NONO: variants seen among roughly 807,000 people sequenced by gnomAD.
NONO encodes the protein non-POU domain-containing octamer-binding protein.
Under a neutral mutation model 40.2 loss-of-function variants are expected in NONO, and 6 were observed. That is an observed-to-expected ratio of 0.15 (90% CI 0.08 to 0.29). NONO has a LOEUF of 0.29. Ranked by LOEUF, NONO falls within the 10% of genes least tolerant of loss-of-function variation. The pLI is 1.00. For missense variants in NONO, 133 were observed against 397.8 expected (o/e 0.33, Z 5.66); for synonymous variants, 89 against 123.3 (o/e 0.72, Z 1.85).
intron 2 of NONO, among the ~76,000 whole-genome samples, chrX:71,289,778 G>T (rs1331942930): frequency 9.2e-6 from 1 of 108,498 alleles, no homozygotes; most frequent in Non-Finnish European, 1.9e-5. Context: ...TTTTTGTTTT[G>T]TTTTGTTTTT....
chrX:71,300,189 C>G lies in NONO; in HGVS notation c.*113C>G, dbSNP rs149069408. The stretch of plus-strand genomic sequence containing the variant: ...ATTCCTTCCAATAGTTAGATCTACC[C>G]TGCCTGTACTACTCTAGGGAGTATG... On this transcript the variant is annotated 3_prime_UTR_variant, in exon 12 of 12. Coordinates refer to ENST00000276079, the MANE Select transcript of NONO (RefSeq NM_007363.5). 244 of 874,578 alleles carry G rather than the reference C, an allele frequency of 2.8e-4. No individual in the cohort carries two copies. Among genetic ancestry groups the G allele is most frequent in the Non-Finnish European group, 3.7e-4 (222 of 604,999 alleles). 72.1% of individuals were successfully genotyped at this position (874,578 alleles called of 1,213,427 possible). A position where few individuals can be genotyped will look rare whatever the true frequency, so the allele number is the denominator to read the frequency against.
At chrX:71,298,383 C>T in intron 9 of NONO, 86 bp from the exon 10 acceptor site, 2 of 804,952 alleles carry the variant, frequency 2.5e-6, no homozygotes, top group Non-Finnish European at 3.8e-6. Flanking sequence ...ATCACTCTAT[C>T]TACTTCCCTT....
chrX:71,294,664 T>A, intron 5 of NONO, 136 bp downstream of exon 5: 1 of 610,237 alleles, frequency 1.6e-6, no homozygotes, highest in Non-Finnish European at 2.5e-6. Context: ...ACTCCTGTAA[T>A]CCCAGCACTT....
chrX:71,299,049 G>C (rs965425324), intron 11 of NONO, among the ~76,000 whole-genome samples: 3 of 111,767 alleles, frequency 2.7e-5, no homozygotes, highest in Non-Finnish European at 3.8e-5. Flanking sequence ...AGCCTCCCGA[G>C]TAGCTGGGAC....
chrX:71,291,003 C>T (rs1418267160), intron 3 of NONO, among the ~76,000 whole-genome samples: 2 of 112,635 alleles, frequency 1.8e-5, no homozygotes, highest in East Asian at 5.5e-4. Context: ...GTACAGGTTG[C>T]TCTGCTGTGT....
chrX:71,293,444 A>G (rs763754712), intron 4 of NONO, among the ~76,000 whole-genome samples: 2 of 109,163 alleles, frequency 1.8e-5, no homozygotes, highest in African/African-American at 3.3e-5. Context: ...TTAGCTGGAC[A>G]TGGTGGTAAG....
At chrX:71,294,787 C>T (rs1037357619) in intron 5 of NONO, among the ~76,000 whole-genome samples, 5 of 111,338 alleles carry the variant, frequency 4.5e-5, no homozygotes, top group Non-Finnish European at 7.5e-5. Context: ...AACATGGTGG[C>T]GTGTGCCTGT....
At position 71,283,643 on chromosome X, in the gene NONO, C is replaced by G. The variant is rs980112067; in HGVS notation, c.-145C>G. The G allele has an allele frequency of 2.7e-5, 3 of 111,192 alleles. No homozygotes were observed. The highest frequency in any genetic ancestry group is 9.9e-5 in the African/African-American group (3 of 30,454). The allele number at this position is 111,192 out of a possible 1,213,427, so 9.2% of individuals were successfully genotyped here. On this transcript the variant is annotated 5_prime_UTR_variant, in exon 1 of 12. Coordinates refer to ENST00000276079, the MANE Select transcript of NONO (RefSeq NM_007363.5). ...CCGAGCTCCGTCGTCTCGTTTCCGG[C>G]GGTCGCGCGCTCTTTTCTCGGGACG...
At chrX:71,290,395 T>G (rs1485720570) in intron 2 of NONO, among the ~76,000 whole-genome samples, 2 of 111,979 alleles carry the variant, frequency 1.8e-5, no homozygotes, top group Non-Finnish European at 3.8e-5. Context: ...GTTTGATTTT[T>G]ACTATATTTT....
rs1201282676 is a variant in NONO, at chrX:71,295,791, CA to C, written c.651-765del. 2.8e-5 allele frequency among the ~76,000 whole-genome samples: 3 copies of C among 108,717 alleles called. No homozygotes were observed. In the East Asian group the frequency reaches 8.6e-4, roughly 31 times the overall value. The allele number at this position is 108,717 out of a possible 115,157, so 94.4% of individuals were successfully genotyped here. ...GGGCGACAGAGGAAGACTCCGTTTC[CA>C]AAAAAAAAGACTTTTGGTACTAAGC... On this transcript the variant is annotated intron_variant, in intron 5 of 11. Transcript: ENST00000276079.
chrX:71,285,919 G>A (rs1343772513), intron 2 of NONO, among the ~76,000 whole-genome samples: 1 of 111,780 alleles, frequency 8.9e-6, no homozygotes, highest in Non-Finnish European at 1.9e-5. Flanking sequence ...TGACATGAAA[G>A]CTGTTTATGA....
intron 5 of NONO, among the ~76,000 whole-genome samples, chrX:71,295,456 C>T (rs1288488429): frequency 9.7e-6 from 1 of 102,802 alleles, no homozygotes; most frequent in Non-Finnish European, 2.0e-5. Context: ...CACTGCACTC[C>T]AGCCTGGGCA....
At chrX:71,292,201 C>CTT (rs113180523) in intron 4 of NONO, 141 of 208,582 alleles carry the variant, frequency 6.8e-4, no homozygotes, top group Middle Eastern at 1.6e-3. Context: ...CCCTTTGGAA[C>CTT]TTTTTTTTTT....
At chrX:71,297,304 A>T in intron 7 of NONO, 73 bp from the exon 8 acceptor site, 1 of 985,657 alleles carries the variant, frequency 1.0e-6, no homozygotes, top group Non-Finnish European at 1.4e-6. Context: ...TGCTTTCTGG[A>T]TCTTTATTTG....
At position 71,297,945 on chromosome X, in the gene NONO, C is replaced by T. The variant is rs2031488783; in HGVS notation, c.1131+7C>T. ...GGGAACCTTCCCTGATGCGGTATAT[C>T]TCCCATGTGCCCGTGATGTACCAGA... On this transcript the variant is annotated splice_region_variant and intron_variant, in intron 9 of 11. Transcript: ENST00000276079. The T allele has an allele frequency of 9.0e-7, 1 of 1,113,622 alleles. No individual in the cohort carries two copies. Among genetic ancestry groups the T allele is most frequent in the Admixed American group, 2.2e-5 (1 of 45,234 alleles). The allele number at this position is 1,113,622 out of a possible 1,213,427, so 91.8% of individuals were successfully genotyped here. A position where few individuals can be genotyped will look rare whatever the true frequency, so the allele number is the denominator to read the frequency against.
In NONO at chrX:71,290,863, T is replaced by C. The variant is rs2031311431; in HGVS notation, c.154+72T>C. 3 of 1,047,539 alleles carry C rather than the reference T, an allele frequency of 2.9e-6. No individual in the cohort carries two copies. The African/African-American group carries it at 5.8e-5, about 20-fold the overall frequency. The allele number at this position is 1,047,539 out of a possible 1,213,427, so 86.3% of individuals were successfully genotyped here. On this transcript the variant is annotated intron_variant, in intron 3 of 11. Coordinates refer to ENST00000276079, the MANE Select transcript of NONO (RefSeq NM_007363.5). Reference sequence around the variant, plus strand: ...ATGGTTTCTTGGTTTTTAGATTAGTTTCTCGGGCTTATAAGGGAATAGGCC... The same window carrying C: ...ATGGTTTCTTGGTTTTTAGATTAGTCTCTCGGGCTTATAAGGGAATAGGCC...
At chrX:71,292,031 T>A in intron 4 of NONO, 59 bp downstream of exon 4, 1 of 837,063 alleles carries the variant, frequency 1.2e-6, no homozygotes, top group Non-Finnish European at 1.6e-6. Context: ...TGGAGAATAA[T>A]AGATGTGCAA....
rs747662545 is a variant in NONO, at chrX:71,300,830, T to TA, written c.*755dup. On this transcript the variant is annotated 3_prime_UTR_variant, in exon 12 of 12. Coordinates refer to ENST00000276079, the MANE Select transcript of NONO (RefSeq NM_007363.5). Reference sequence around the variant, plus strand: ...ATGTCCTAAAGAAGACATTTTCTCTTAGAGATTTTCATTTTAGTGTATCTT... The same window carrying TA: ...ATGTCCTAAAGAAGACATTTTCTCTTAAGAGATTTTCATTTTAGTGTATCTT... 6.1e-6 allele frequency: 1 copy of TA among 163,788 alleles called. No homozygotes were observed. The highest frequency in any genetic ancestry group is 1.2e-5 in the Non-Finnish European group (1 of 84,960). 13.5% of individuals were successfully genotyped at this position (163,788 alleles called of 1,213,427 possible). A position where few individuals can be genotyped will look rare whatever the true frequency, so the allele number is the denominator to read the frequency against.
chrX:71,295,581 C>T, intron 5 of NONO, among the ~76,000 whole-genome samples: 1 of 108,217 alleles, frequency 9.2e-6, no homozygotes, highest in African/African-American at 3.4e-5. Flanking sequence ...TCACGAGGTC[C>T]TGAGTTTGAG....
Sources: gnomAD v4.1 joint callset for allele counts (sites outside exome capture counted in the v4.1 genomes callset) on GRCh38, gnomAD v4.1.1 for gene constraint, MANE v1.5 for transcripts, NCBI Gene and HGNC (gene_info 2026-07-23, HGNC 2026-07-21) for gene names.